EGFR: variants seen among roughly 807,000 people sequenced by gnomAD.
EGFR encodes the protein epidermal growth factor receptor, also known as avian erythroblastic leukemia viral (v-erb-b) oncogene homolog.
In EGFR, 58 loss-of-function variants were observed where a neutral mutation model predicts 143.0. The ratio of observed to expected loss-of-function variants is 0.41; its 90% CI spans 0.33 to 0.50. EGFR has a LOEUF of 0.50. EGFR is among the 20% of genes least tolerant of loss of function. The pLI is 0.39. For missense variants in EGFR, 1,307 were observed against 1,579.0 expected, an observed-to-expected ratio of 0.83 and a Z score of 2.92; for synonymous variants, 613 against 594.4, an observed-to-expected ratio of 1.03 and a Z score of -0.45.
At chr7:55,200,644 T>A (rs2128970513) in intron 24 of EGFR, 2 of 601,998 alleles carry the variant, frequency 3.3e-6, no homozygotes, top group Admixed American at 5.2e-5. Flanking sequence ...TGAACTCTCC[T>A]CTGGTGCTCG....
chr7:55,042,183 A>G (rs1787936339), intron 1 of EGFR, among the ~76,000 whole-genome samples: 1 of 152,244 alleles, frequency 6.6e-6, no homozygotes, highest in Non-Finnish European at 1.5e-5. Flanking sequence ...ATTAAAGATT[A>G]CATCAAAGAA....
chr7:55,037,971 C>G (rs558255157), intron 1 of EGFR, among the ~76,000 whole-genome samples: 1 of 152,182 alleles, frequency 6.6e-6, no homozygotes, highest in Non-Finnish European at 1.5e-5. Flanking sequence ...AGTCGGGTGC[C>G]TCTGCACTCC....
intron 7 of EGFR, 128 bp from the exon 8 acceptor site, chr7:55,155,702 T>G (rs1785374963): frequency 1.3e-6 from 1 of 793,556 alleles, no homozygotes; most frequent in Non-Finnish European, 2.3e-6. Context: ...TTCTTTGTCC[T>G]TAAAGTAAAT....
chr7:55,134,270 G>T (rs1369008739), intron 1 of EGFR, among the ~76,000 whole-genome samples: 1 of 148,044 alleles, frequency 6.8e-6, no homozygotes, highest in Non-Finnish European at 1.5e-5. Context: ...TCCAGGTCCA[G>T]TTCCAGGACT....
At position 55,152,656 on chromosome 7, in the gene EGFR, G is replaced by A. The variant is rs780001754; in HGVS notation, c.739G>A (p.Asp247Asn). The A allele has an allele frequency of 2.0e-5, 33 of 1,613,294 alleles. No individual in the cohort carries two copies. Among genetic ancestry groups the A allele is most frequent in the African/African-American group, 5.3e-5 (4 of 74,924 alleles). ...AGGCTGCACAGGCCCCCGGGAGAGC[G>A]ACTGCCTGGTAAGATGCCCCTCCAG... ...AAGCTGPRES[D>N]CLVCRKFRDE... The change falls in exon 6 of 28, where the codon GAC becomes AAC. Residue 247 changes from aspartate to asparagine, a missense_variant. Asp to Asn is a conservative substitution (Grantham distance 23, BLOSUM62 1). Transcript: ENST00000275493.
intron 5 of EGFR, 130 bp downstream of exon 5, chr7:55,151,492 A>T: frequency 3.2e-6 from 3 of 950,160 alleles, no homozygotes; most frequent in Non-Finnish European, 5.0e-6. Context: ...GATGTGAACC[A>T]GTAGGTGAAG....
intron 27 of EGFR, among the ~76,000 whole-genome samples, chr7:55,203,388 TAC>T (rs145520723): frequency 0.18 from 25,400 of 140,938 alleles, 2,542 homozygotes; most frequent in East Asian, 0.48. Flanking sequence ...CACACATACA[TAC>T]AGACACACCA....
chr7:55,145,209 GC>G (rs1794700535), intron 3 of EGFR, among the ~76,000 whole-genome samples: 1 of 152,020 alleles, frequency 6.6e-6, no homozygotes, highest in Non-Finnish European at 1.5e-5. Context: ...TCCTCGCCCC[GC>G]CCCCTGCTCT....
chr7:55,154,256 T>A (rs1169320642), intron 7 of EGFR, 104 bp downstream of exon 7: 3 of 1,565,520 alleles, frequency 1.9e-6, no homozygotes, highest in African/African-American at 2.7e-5. Context: ...TTTGGGTGGA[T>A]GTGTTTGCCT....
intron 1 of EGFR, among the ~76,000 whole-genome samples, chr7:55,110,827 T>C (rs573144801): frequency 6.6e-6 from 1 of 152,282 alleles, no homozygotes; most frequent in Non-Finnish European, 1.5e-5. Flanking sequence ...CCCTGGCAGA[T>C]CTTGGGCCCA....
chr7:55,027,079 T>C (rs1349700110), intron 1 of EGFR, among the ~76,000 whole-genome samples: 2 of 152,146 alleles, frequency 1.3e-5, no homozygotes, highest in Non-Finnish European at 2.9e-5. Context: ...ACTGCTGATA[T>C]ACTCCAGGCA....
intron 1 of EGFR, among the ~76,000 whole-genome samples, chr7:55,026,975 C>A (rs1254938810): frequency 7.2e-5 from 11 of 152,290 alleles, no homozygotes; most frequent in African/African-American, 2.6e-4. Flanking sequence ...TGGACCCCAC[C>A]CTGGCCTCTG....
chr7:55,069,788 C>T (rs562008611), intron 1 of EGFR, among the ~76,000 whole-genome samples: 3 of 152,340 alleles, frequency 2.0e-5, no homozygotes, highest in African/African-American at 7.2e-5. Flanking sequence ...GTGTTAAAGA[C>T]AGAATCCTTA....
intron 11 of EGFR, 86 bp from the exon 12 acceptor site, chr7:55,160,053 C>T: frequency 7.0e-7 from 1 of 1,420,446 alleles, no homozygotes; most frequent in East Asian, 2.4e-5. Flanking sequence ...TGTAGTCAAT[C>T]AAAGGTGGTC....
chr7:55,173,126 T>C lies in EGFR; in HGVS notation c.2061+2T>C, dbSNP rs587777939. On this transcript the variant is annotated splice_donor_variant, in intron 17 of 27. Transcript: ENST00000275493. LOFTEE classifies it high-confidence loss of function. ...CGGAGGCTGCTGCAGGAGAGGGAGG[T>C]GAGTGCCAGTCCTGGGTGGGCTCAG... The C allele has an allele frequency of 5.6e-6, 9 of 1,609,054 alleles. No homozygotes were observed. Among genetic ancestry groups the C allele is most frequent in the Non-Finnish European group, 7.6e-6 (9 of 1,179,858 alleles).
rs1189876651 is a variant in EGFR, at chr7:55,207,446, A to G, written c.*1829A>G. On this transcript the variant is annotated 3_prime_UTR_variant, in exon 28 of 28. Coordinates refer to ENST00000275493, the MANE Select transcript of EGFR (RefSeq NM_005228.5). The stretch of plus-strand genomic sequence containing the variant: ...GATTCTAAGAAATTCACAATTTAGC[A>G]AAGGAAATGGACTCATAGATGCTAA... 5.2e-6 allele frequency: 1 copy of G among 194,096 alleles called. No homozygotes were observed. The highest frequency in any genetic ancestry group is 1.1e-5 in the Non-Finnish European group (1 of 93,218). 12.0% of individuals were successfully genotyped at this position (194,096 alleles called of 1,614,324 possible).
At chr7:55,147,891 T>G (rs957976405) in intron 4 of EGFR, among the ~76,000 whole-genome samples, 3 of 152,246 alleles carry the variant, frequency 2.0e-5, no homozygotes, top group Admixed American at 6.5e-5. Flanking sequence ...ATCTGTCCTT[T>G]TGTGTCTGGC....
Position 55,142,373 on chromosome 7 carries a change from A to C in EGFR, c.176A>C (p.Glu59Ala), listed in dbSNP as rs763572530. The change falls in exon 2 of 28, where the codon GAG (glutamate) becomes GCG (alanine). Residue 59 changes from glutamate to alanine, a missense_variant. Physicochemically the swap from Glu to Ala is moderately radical, Grantham distance 107. Transcript: ENST00000275493. ...CTCCAGAGGATGTTCAATAACTGTG[A>C]GGTGGTCCTTGGGAATTTGGAAATT... ...LSLQRMFNNC[E>A]VVLGNLEITY... The C allele has an allele frequency of 5.0e-6, 8 of 1,614,216 alleles. No individual in the cohort carries two copies.
chr7:55,048,262 G>A (rs569313291), intron 1 of EGFR, among the ~76,000 whole-genome samples: 1 of 152,290 alleles, frequency 6.6e-6, no homozygotes, highest in Admixed American at 6.5e-5. Flanking sequence ...GCATCTGCAT[G>A]GGTGACACAT....
Sources: allele counts gnomAD v4.1 joint callset (sites outside exome capture counted in the v4.1 genomes callset), GRCh38; gene constraint gnomAD v4.1.1; transcripts MANE v1.5; gene names NCBI Gene and HGNC (gene_info 2026-07-23, HGNC 2026-07-21).